NCAPD3: variants seen among roughly 807,000 people sequenced by gnomAD.
NCAPD3 encodes non-SMC condensin II complex subunit D3.
NCAPD3 carries 105 observed loss-of-function variants against 182.9 expected under a neutral mutation model. That is an observed-to-expected ratio of 0.57 (90% CI 0.49 to 0.68). The LOEUF (loss-of-function observed/expected upper bound fraction) is 0.68. Among genes scored for constraint, NCAPD3 ranks in the 30% least tolerant of loss-of-function variants. The probability of loss-of-function intolerance (pLI) is 0.00; values close to 1 mark genes in which losing one functional copy is unlikely to be tolerated. For synonymous variants in NCAPD3, 815 were observed against 679.9 expected (o/e 1.20, Z -3.09); for missense variants, 1,944 against 1,837.0 (o/e 1.06, Z -1.07).
intron 26 of NCAPD3, 117 bp downstream of exon 26, chr11:134,168,352 T>C (rs1456209819): frequency 6.6e-7 from 1 of 1,517,978 alleles, no homozygotes; most frequent in Non-Finnish European, 9.1e-7. Context: ...AAGGACAAGA[T>C]GACAGGGGTC....
At chr11:134,188,634 C>T (rs181021473) in intron 16 of NCAPD3, among the ~76,000 whole-genome samples, 2 of 152,190 alleles carry the variant, frequency 1.3e-5, no homozygotes, top group South Asian at 2.1e-4. Context: ...GTAACACTCA[C>T]TACGAAGGTC....
chr11:134,153,297 G>T lies in NCAPD3; in HGVS notation c.4319C>A (p.Ser1440Ter). 6.2e-7 allele frequency: 1 copy of T among 1,614,214 alleles called. No homozygotes were observed. The change falls in exon 33 of 35, where the codon TCA (serine) becomes TAA (stop). Residue 1440 changes from serine (S) to a stop codon, truncating the protein, a stop_gained. Coordinates refer to ENST00000534548, the MANE Select transcript of NCAPD3 (RefSeq NM_015261.3). LOFTEE classifies it high-confidence loss of function. ...SYIGTPRTPS[S>*]AKEKIEGRSQ... ...GGACACCAAGAACTTGCCTTTGGCT[G>T]ACGACGGAGTCCGTGGTGTCCCGAT...
chr11:134,165,380 G>T (rs188969453), intron 27 of NCAPD3, among the ~76,000 whole-genome samples: 1 of 151,302 alleles, frequency 6.6e-6, no homozygotes, highest in African/African-American at 2.4e-5. Flanking sequence ...CGTGAGATAA[G>T]CTTCGGGGAA....
chr11:134,170,291 A>C (rs1342412214), intron 24 of NCAPD3, among the ~76,000 whole-genome samples: 3 of 152,236 alleles, frequency 2.0e-5, no homozygotes, highest in African/African-American at 7.2e-5. Context: ...CTTAAGGACA[A>C]CCAGAAGCAC....
rs1267409364 is a variant in NCAPD3, at chr11:134,204,614, A to G, written c.1089+285T>C. On this transcript the variant is annotated intron_variant, in intron 9 of 34. Coordinates refer to ENST00000534548, the MANE Select transcript of NCAPD3 (RefSeq NM_015261.3). The surrounding 1 kb of genome is among the most constrained non-coding windows in gnomAD (Gnocchi z 4.3). ...GTGGGGTAGGGGTTTAAGTGACACA[A>G]AACTGTGGAACTCGGTGATGGGTAT... Among the ~76,000 whole-genome samples, 1 of 152,196 alleles carries G rather than the reference A, an allele frequency of 6.6e-6. No individual in the cohort carries two copies. The highest frequency in any genetic ancestry group is 1.5e-5 in the Non-Finnish European group (1 of 68,024).
chr11:134,164,862 G>A (rs1464578287), intron 27 of NCAPD3, among the ~76,000 whole-genome samples: 1 of 147,612 alleles, frequency 6.8e-6, no homozygotes, highest in East Asian at 2.0e-4. Flanking sequence ...ACATGAGCTT[G>A]AGGGAGCTAC....
At chr11:134,217,924 C>A (rs528596980) in intron 2 of NCAPD3, among the ~76,000 whole-genome samples, 2 of 152,180 alleles carry the variant, frequency 1.3e-5, no homozygotes, top group South Asian at 4.2e-4. Context: ...CAAAGCAAGA[C>A]CTTGTCTCCA....
intron 15 of NCAPD3, among the ~76,000 whole-genome samples, chr11:134,193,181 A>C (rs932058668): frequency 1.3e-5 from 2 of 152,224 alleles, no homozygotes; most frequent in Non-Finnish European, 2.9e-5. Flanking sequence ...TCAAGAGCAA[A>C]TAATAAATAT....
At chr11:134,161,736 G>A in intron 28 of NCAPD3, 45 bp downstream of exon 28, 1 of 1,149,528 alleles carries the variant, frequency 8.7e-7, no homozygotes, top group Middle Eastern at 1.9e-4. Context: ...CCTAAGTAAT[G>A]AACTGGTAGG....
Position 134,185,321 on chromosome 11 carries a change from T to C in NCAPD3, c.2237+14A>G, listed in dbSNP as rs1236562897. The stretch of plus-strand genomic sequence containing the variant: ...TCTTCAGTGTCATTACTGGTTAAAT[T>C]AGAAGATACAAACCTGCTGATTTTC... On this transcript the variant is annotated intron_variant, in intron 17 of 34. Coordinates refer to ENST00000534548, the MANE Select transcript of NCAPD3 (RefSeq NM_015261.3). The C allele has an allele frequency of 6.3e-7, 1 of 1,584,368 alleles. No individual in the cohort carries two copies. Among genetic ancestry groups the C allele is most frequent in the Non-Finnish European group, 8.6e-7 (1 of 1,166,128 alleles).
At chr11:134,171,116 A>C (rs1409838188) in intron 24 of NCAPD3, among the ~76,000 whole-genome samples, 3 of 152,136 alleles carry the variant, frequency 2.0e-5, no homozygotes, top group African/African-American at 7.2e-5. Flanking sequence ...TTCTCAAGAA[A>C]TCTTAGTAAG....
At position 134,177,146 on chromosome 11, in the gene NCAPD3, A is replaced by G. The variant is rs1016846427; in HGVS notation, c.3021+73T>C. 7 of 1,168,184 alleles carry G rather than the reference A, an allele frequency of 6.0e-6. No individual in the cohort carries two copies. In the African/African-American group the frequency reaches 7.6e-5, roughly 13 times the overall value. 72.4% of individuals were successfully genotyped at this position (1,168,184 alleles called of 1,614,324 possible). On this transcript the variant is annotated intron_variant, in intron 23 of 34. Coordinates refer to ENST00000534548, the MANE Select transcript of NCAPD3 (RefSeq NM_015261.3). ...CTACTACAAAGCAAGCACATTTCCTATGCTACTCAAATATTCCCTTAAACC... is the reference window on the plus strand; with the variant it reads ...CTACTACAAAGCAAGCACATTTCCTGTGCTACTCAAATATTCCCTTAAACC...
At chr11:134,156,860 C>T (rs963638004) in intron 32 of NCAPD3, 158 bp downstream of exon 32, 8 of 622,198 alleles carry the variant, frequency 1.3e-5, no homozygotes, top group African/African-American at 7.4e-5. Flanking sequence ...ATCAAGCGAC[C>T]GTGGTCACTG....
chr11:134,220,614 T>C lies in NCAPD3; in HGVS notation c.177A>G (p.Glu59=). ...TGLAAFTKLY[E]SLLPFATGEH... ...CTCCAGTAGCAAAGGGTAAAAGGCTTTCATAGAGTTTTGTGAATGCAGCCA... is the reference window on the plus strand; with the variant it reads ...CTCCAGTAGCAAAGGGTAAAAGGCTCTCATAGAGTTTTGTGAATGCAGCCA... Residue 59 remains glutamate, a synonymous_variant, in exon 2 of 35, where the codon GAA becomes GAG. Coordinates refer to ENST00000534548, the MANE Select transcript of NCAPD3 (RefSeq NM_015261.3). 6.2e-7 allele frequency: 1 copy of C among 1,614,098 alleles called. No homozygotes were observed. Among genetic ancestry groups the C allele is most frequent in the Non-Finnish European group, 8.5e-7 (1 of 1,179,958 alleles).
Position 134,153,510 on chromosome 11 carries a change from T to A in NCAPD3, c.4253-147A>T, listed in dbSNP as rs1397272539. ...CTCCACTGGACCCTGTCCCAGGGCC[T>A]GGCAGTGTTGAGGGCCCCTCCTGGG... On this transcript the variant is annotated intron_variant, in intron 32 of 34. Transcript: ENST00000534548. The A allele has an allele frequency of 8.9e-6, 7 of 786,790 alleles. No homozygotes were observed. The East Asian group carries it at 1.8e-4, about 20-fold the overall frequency. 48.7% of individuals were successfully genotyped at this position (786,790 alleles called of 1,614,324 possible). A position where few individuals can be genotyped will look rare whatever the true frequency, so the allele number is the denominator to read the frequency against.
chr11:134,204,800 T>C lies in NCAPD3; in HGVS notation c.1089+99A>G. On this transcript the variant is annotated intron_variant, in intron 9 of 34. Coordinates refer to ENST00000534548, the MANE Select transcript of NCAPD3 (RefSeq NM_015261.3). This position sits in a 1 kb window ranked among gnomAD's most constrained non-coding sequence, Gnocchi z 4.3. ...CACTTTAAGTAACAATGCACACTCATTCCCAAGAACAAATACCCACACTCA... is the reference window on the plus strand; with the variant it reads ...CACTTTAAGTAACAATGCACACTCACTCCCAAGAACAAATACCCACACTCA... The C allele has an allele frequency of 1.0e-6, 1 of 952,788 alleles. No homozygotes were observed. The highest frequency in any genetic ancestry group is 2.2e-4 in the Middle Eastern group (1 of 4,536). The allele number at this position is 952,788 out of a possible 1,614,324, so 59.0% of individuals were successfully genotyped here. A position where few individuals can be genotyped will look rare whatever the true frequency, so the allele number is the denominator to read the frequency against.
In NCAPD3 at chr11:134,153,273, G is replaced by T. The variant is rs1444364222; in HGVS notation, c.4327+16C>A. The T allele has an allele frequency of 6.2e-7, 1 of 1,613,998 alleles. No homozygotes were observed. Among genetic ancestry groups the T allele is most frequent in the Non-Finnish European group, 8.5e-7 (1 of 1,179,894 alleles). On this transcript the variant is annotated intron_variant, in intron 33 of 34. Coordinates refer to ENST00000534548, the MANE Select transcript of NCAPD3 (RefSeq NM_015261.3). ...GGCAGTGCATCTATCAGCCCAGAAG[G>T]ACACCAAGAACTTGCCTTTGGCTGA...
In NCAPD3 at chr11:134,176,792, T is replaced by G. The variant is rs963848464; in HGVS notation, c.3022-406A>C. ...TGCAGAGCTCTATAGTTCACTAGGT[T>G]TTTCCGCACACGGAAACGTCCCACT... On this transcript the variant is annotated intron_variant, in intron 23 of 34. Transcript: ENST00000534548. Among the ~76,000 whole-genome samples, 164 of 152,330 alleles carry G rather than the reference T, an allele frequency of 1.1e-3. 1 individual carries two copies. Among genetic ancestry groups the G allele is most frequent in the African/African-American group, 3.6e-3 (149 of 41,582 alleles).
chr11:134,178,669 G>A lies in NCAPD3; in HGVS notation c.2747C>T (p.Pro916Leu). The part of the protein sequence containing the change: ...PPPQVRGSVM[P>L]SVIRAHAIIT... The stretch of plus-strand genomic sequence containing the variant: ...GATGGCATGTGCTCTAATCACAGAG[G>A]GCATGACAGAACCTCTGACCTGGGG... Residue 916 changes from proline (P) to leucine (L), a missense_variant, in exon 22 of 35, where the codon CCC (proline) becomes CTC (leucine). Pro to Leu is a moderately conservative substitution (Grantham distance 98). This residue lies in a region of NCAPD3 where 1,803 missense variants were observed against 1,674.6 expected (regional missense o/e 1.08). Coordinates refer to ENST00000534548, the MANE Select transcript of NCAPD3 (RefSeq NM_015261.3). 1 of 1,593,130 alleles carries A rather than the reference G, an allele frequency of 6.3e-7. No homozygotes were observed. The highest frequency in any genetic ancestry group is 1.1e-5 in the South Asian group (1 of 87,758).
Sources: allele counts gnomAD v4.1 joint callset (sites outside exome capture counted in the v4.1 genomes callset), GRCh38; gene constraint gnomAD v4.1.1; regional missense constraint gnomAD v4.1.1; non-coding constraint Gnocchi (gnomAD v3.1); transcripts MANE v1.5; gene names NCBI Gene and HGNC (gene_info 2026-07-23, HGNC 2026-07-21).